The following CXADR variants were observed in gnomAD, a reference collection of about 807,000 sequenced individuals.
The protein encoded by CXADR is CXADR cell adhesion molecule, also known as coxsackievirus and adenovirus receptor.
A neutral mutation model predicts 40.3 loss-of-function variants in CXADR; 20 were observed. That is an observed-to-expected ratio of 0.50 (90% CI 0.35 to 0.72). CXADR has a LOEUF of 0.72. Ranked by LOEUF, CXADR falls within the 30% of genes least tolerant of loss-of-function variation. CXADR has a pLI of 0.01. For missense variants in CXADR, 332 were observed against 449.1 expected (o/e 0.74, Z 2.36); for synonymous variants, 150 against 161.3 (o/e 0.93, Z 0.53).
chr21:17,536,861 A>G (rs1484157283), intron 1 of CXADR, among the ~76,000 whole-genome samples: 5 of 151,988 alleles, frequency 3.3e-5, no homozygotes, highest in African/African-American at 7.2e-5. Flanking sequence ...GGTTCAAGCA[A>G]TTCTCCTGCC....
intron 7 of CXADR, among the ~76,000 whole-genome samples, chr21:17,592,681 ACGCATCTC>A (rs1285809790): frequency 1.3e-5 from 2 of 151,756 alleles, no homozygotes; most frequent in Non-Finnish European, 2.9e-5. Context: ...AATTGATAAA[ACGCATCTC>A]CCTTGTGACA....
At chr21:17,513,239 C>A in intron 1 of CXADR, 67 bp downstream of exon 1, 1 of 1,319,216 alleles carries the variant, frequency 7.6e-7, no homozygotes. Context: ...CGCGGCCACC[C>A]AGGAACAATG....
At chr21:17,632,480 G>A in the CXADR span, among the ~76,000 whole-genome samples, 1 of 152,182 alleles carries the variant, frequency 6.6e-6, no homozygotes, top group Non-Finnish European at 1.5e-5. Flanking sequence ...TCAACTCAAA[G>A]GGGGTTAGAA....
intron 3 of CXADR, among the ~76,000 whole-genome samples, chr21:17,557,743 G>T (rs1454982954): frequency 2.3e-5 from 2 of 88,792 alleles, no homozygotes; most frequent in Admixed American, 2.5e-4. Flanking sequence ...TATTCATGTG[G>T]TTCCAGAAGA....
At chr21:17,616,464 T>G in the CXADR span, among the ~76,000 whole-genome samples, 5 of 151,184 alleles carry the variant, frequency 3.3e-5, no homozygotes, top group Non-Finnish European at 5.9e-5. Flanking sequence ...GCCTCCTGAG[T>G]AGCTGGGACT....
At chr21:17,538,651 TAAAAA>T (rs1272887778) in intron 1 of CXADR, among the ~76,000 whole-genome samples, 1 of 150,992 alleles carries the variant, frequency 6.6e-6, no homozygotes, top group Non-Finnish European at 1.5e-5. Flanking sequence ...ACTGGGAAAA[TAAAAA>T]TAAAAATAAA....
At chr21:17,617,357 G>A in the CXADR span, among the ~76,000 whole-genome samples, 753 of 152,258 alleles carry the variant, frequency 4.9e-3, 20 homozygotes, top group East Asian at 0.044. Flanking sequence ...TGCCAGCAGA[G>A]AAACTGACTT....
intron 7 of CXADR, among the ~76,000 whole-genome samples, chr21:17,581,256 A>T (rs1368454615): frequency 1.3e-5 from 2 of 152,360 alleles, no homozygotes; most frequent in Admixed American, 6.5e-5. Flanking sequence ...GTAAAATTAC[A>T]ATCAATATAT....
downstream of CXADR, among the ~76,000 whole-genome samples, chr21:17,595,735 A>G (rs1476224161): frequency 6.6e-6 from 1 of 152,060 alleles, no homozygotes; most frequent in Non-Finnish European, 1.5e-5. Context: ...GCAATGAATA[A>G]CAGCACAGTT....
At chr21:17,519,996 C>A (rs553152121) in intron 1 of CXADR, among the ~76,000 whole-genome samples, 1 of 151,836 alleles carries the variant, frequency 6.6e-6, no homozygotes, top group African/African-American at 2.4e-5. Flanking sequence ...CACACACGCA[C>A]GCACATGCAC....
the CXADR span, among the ~76,000 whole-genome samples, chr21:17,599,243 A>T: frequency 1.4e-5 from 2 of 147,990 alleles, no homozygotes; most frequent in African/African-American, 5.0e-5. Context: ...TGGCACAATC[A>T]CAACTCACTG....
intron 1 of CXADR, among the ~76,000 whole-genome samples, chr21:17,545,417 A>G (rs1308304769): frequency 6.6e-6 from 1 of 152,150 alleles, no homozygotes; most frequent in Non-Finnish European, 1.5e-5. Context: ...CTTACAGACT[A>G]AATTTGCATT....
Position 17,568,174 on chromosome 21 carries a change from G to C in CXADR, c.*2482G>C. 1.0e-6 allele frequency: 1 copy of C among 961,908 alleles called. No individual in the cohort carries two copies. Among genetic ancestry groups the C allele is most frequent in the Non-Finnish European group, 1.2e-6 (1 of 819,110 alleles). 59.6% of individuals were successfully genotyped at this position (961,908 alleles called of 1,614,324 possible). A position where few individuals can be genotyped will look rare whatever the true frequency, so the allele number is the denominator to read the frequency against. ...GACGGAGTCTCGGTCTGTCACCCAG[G>C]CTGGAGTGCAGTGGCGGGATCTCGG... On this transcript the variant is annotated 3_prime_UTR_variant, in exon 7 of 7. Coordinates refer to ENST00000284878, the MANE Select transcript of CXADR (RefSeq NM_001338.5).
At position 17,567,849 on chromosome 21, in the gene CXADR, A is replaced by G; in HGVS notation, c.*2157A>G. Reference sequence around the variant, plus strand: ...GTTATCATAGAAAGTGGACACGTATAAGACTTTCCTTCCTTTTTTTTTTTA... The same window carrying G: ...GTTATCATAGAAAGTGGACACGTATGAGACTTTCCTTCCTTTTTTTTTTTA... On this transcript the variant is annotated 3_prime_UTR_variant, in exon 7 of 7. Transcript: ENST00000284878. The G allele has an allele frequency of 4.2e-6, 4 of 951,136 alleles. No homozygotes were observed. The highest frequency in any genetic ancestry group is 5.0e-6 in the Non-Finnish European group (4 of 805,090). 58.9% of individuals were successfully genotyped at this position (951,136 alleles called of 1,614,324 possible).
chr21:17,617,283 G>T, the CXADR span, among the ~76,000 whole-genome samples: 1 of 147,374 alleles, frequency 6.8e-6, no homozygotes, highest in Non-Finnish European at 1.5e-5. Flanking sequence ...TCCCAGCTTG[G>T]CAGGAGAGGT....
chr21:17,540,284 G>A (rs981148900), intron 1 of CXADR, among the ~76,000 whole-genome samples: 1 of 151,946 alleles, frequency 6.6e-6, no homozygotes, highest in African/African-American at 2.4e-5. Flanking sequence ...ATGAATTTTG[G>A]GGGGGACATG....
chr21:17,631,051 C>T, the CXADR span, among the ~76,000 whole-genome samples: 1 of 152,214 alleles, frequency 6.6e-6, no homozygotes, highest in African/African-American at 2.4e-5. Context: ...TTGAGATTCT[C>T]TAAGATAGTT....
intron 1 of CXADR, among the ~76,000 whole-genome samples, chr21:17,535,687 T>C (rs2060746257): frequency 6.6e-6 from 1 of 152,152 alleles, no homozygotes; most frequent in East Asian, 1.9e-4. Flanking sequence ...CGAACAAGCA[T>C]GTAAGACTTT....
the CXADR span, among the ~76,000 whole-genome samples, chr21:17,625,549 T>A: frequency 6.6e-6 from 1 of 152,252 alleles, no homozygotes; most frequent in South Asian, 2.1e-4. Context: ...TTGGCATTAC[T>A]GTCCTTGGTA....
Sources: gnomAD v4.1 joint callset for allele counts (sites outside exome capture counted in the v4.1 genomes callset) on GRCh38, gnomAD v4.1.1 for gene constraint, MANE v1.5 for transcripts, NCBI Gene and HGNC (gene_info 2026-07-23, HGNC 2026-07-21) for gene names.